HFM1: variants seen among roughly 807,000 people sequenced by gnomAD.
HFM1 encodes helicase for meiosis 1.
Under a neutral mutation model 192.1 loss-of-function variants are expected in HFM1, and 169 were observed. The ratio of observed to expected loss-of-function variants is 0.88; its 90% CI spans 0.78 to 1.00. The LOEUF is 1.00. Among genes scored for constraint, HFM1 ranks in the 50% least tolerant of loss-of-function variants. The pLI, the probability that HFM1 is intolerant of heterozygous loss-of-function variation, is 0.00. For synonymous variants in HFM1, 525 were observed against 537.8 expected (o/e 0.98, Z 0.33); for missense variants, 1,661 against 1,668.0 (o/e 1.00, Z 0.07).
Position 91,350,890 on chromosome 1 carries a change from G to T in HFM1, c.2073-19C>A. On this transcript the variant is annotated intron_variant, in intron 17 of 38. Coordinates refer to ENST00000370425, the MANE Select transcript of HFM1 (RefSeq NM_001017975.6). ...GTGCAAACTAATGAAAAAAAACTTT[G>T]CATTATGAATATGCAGTTCAATGCC... is the stretch of plus-strand genomic sequence containing the variant. 6.4e-7 allele frequency: 1 copy of T among 1,550,660 alleles called. No individual in the cohort carries two copies. Among genetic ancestry groups the T allele is most frequent in the Non-Finnish European group, 8.8e-7 (1 of 1,139,958 alleles).
intron 13 of HFM1, among the ~76,000 whole-genome samples, chr1:91,364,632 A>ATATAT (rs753472335): frequency 4.5e-4 from 30 of 66,784 alleles, no homozygotes; most frequent in South Asian, 1.3e-3. Flanking sequence ...ATATATATAT[A>ATATAT]TTTTTTTTTT....
chr1:91,289,810 G>A (rs899109962), intron 30 of HFM1, among the ~76,000 whole-genome samples: 3 of 152,094 alleles, frequency 2.0e-5, no homozygotes, highest in Non-Finnish European at 4.4e-5. Context: ...GATGGCGGCA[G>A]CACAGTCCAG....
intron 2 of HFM1, among the ~76,000 whole-genome samples, chr1:91,400,480 C>CTTTTTTTTTTTTTT (rs112090967): frequency 7.2e-6 from 1 of 139,062 alleles, no homozygotes; most frequent in African/African-American, 2.6e-5. Context: ...AGGCAAGAAT[C>CTTTTTTTTTTTTTT]TTTTTTTTTT....
At chr1:91,352,737 T>G (rs1428923153) in intron 15 of HFM1, 86 bp from the exon 16 acceptor site, 4 of 1,052,590 alleles carry the variant, frequency 3.8e-6, no homozygotes, top group Non-Finnish European at 5.3e-6. Context: ...TTCTTATAAA[T>G]GTAATAAAAA....
chr1:91,401,161 A>C, intron 1 of HFM1, 52 bp from the exon 2 acceptor site: 1 of 798,108 alleles, frequency 1.3e-6, no homozygotes, highest in Non-Finnish European at 2.0e-6. Flanking sequence ...GATGTAAAAA[A>C]ATATTTCTGT....
chr1:91,375,299 T>C (rs1467337632), intron 13 of HFM1, 59 bp downstream of exon 13: 14 of 1,202,294 alleles, frequency 1.2e-5, no homozygotes, highest in Non-Finnish European at 1.4e-5. Flanking sequence ...AATTTTCTCA[T>C]GTCATCTAGA....
At chr1:91,281,631 A>G (rs1320117669) in intron 30 of HFM1, among the ~76,000 whole-genome samples, 1 of 152,236 alleles carries the variant, frequency 6.6e-6, no homozygotes, top group East Asian at 1.9e-4. Flanking sequence ...GAATCTTTGA[A>G]TGTATTAAGG....
At chr1:91,285,157 G>A (rs992294302) in intron 30 of HFM1, among the ~76,000 whole-genome samples, 10 of 152,260 alleles carry the variant, frequency 6.6e-5, no homozygotes, top group Admixed American at 2.6e-4. Context: ...GGAACTGTGA[G>A]CCCATCGAAC....
At chr1:91,367,813 G>C (rs1479467269) in intron 13 of HFM1, among the ~76,000 whole-genome samples, 1 of 152,076 alleles carries the variant, frequency 6.6e-6, no homozygotes, top group Non-Finnish European at 1.5e-5. Context: ...CAAGCTAAAG[G>C]AGGAAGTTTG....
At chr1:91,334,519 T>C (rs1440662892) in intron 20 of HFM1, among the ~76,000 whole-genome samples, 1 of 152,126 alleles carries the variant, frequency 6.6e-6, no homozygotes, top group Non-Finnish European at 1.5e-5. Context: ...GAGCAATATT[T>C]TAATTAAACT....
chr1:91,341,897 A>G (rs1655394225), intron 20 of HFM1, among the ~76,000 whole-genome samples: 2 of 152,038 alleles, frequency 1.3e-5, no homozygotes. Context: ...CCAGGAAGAA[A>G]CTGAAACCCT....
At position 91,313,508 on chromosome 1, in the gene HFM1, A is replaced by G. The variant is rs1461102844; in HGVS notation, c.3245-13T>C. 2.6e-6 allele frequency: 4 copies of G among 1,547,870 alleles called. No individual in the cohort carries two copies. Among genetic ancestry groups the G allele is most frequent in the Non-Finnish European group, 3.5e-6 (4 of 1,145,152 alleles). On this transcript the variant is annotated splice_polypyrimidine_tract_variant and intron_variant, in intron 29 of 38. Transcript: ENST00000370425. Reference sequence around the variant, plus strand: ...ATATCAAGCCCAACTGGAAAATGAAAAAAAAGTACACAAATGTTTATTTGT... The same window carrying G: ...ATATCAAGCCCAACTGGAAAATGAAGAAAAAGTACACAAATGTTTATTTGT...
chr1:91,348,102 T>C (rs576815190), intron 18 of HFM1, among the ~76,000 whole-genome samples: 21 of 152,250 alleles, frequency 1.4e-4, no homozygotes, highest in African/African-American at 5.1e-4. Context: ...TATCTTAATC[T>C]GGGCTGTGGT....
intron 11 of HFM1, chr1:91,377,430 G>C (rs1338469406): frequency 6.6e-6 from 1 of 151,936 alleles, no homozygotes; most frequent in Non-Finnish European, 1.5e-5. Flanking sequence ...TGAGAAAGTA[G>C]AGTGAGACTA....
At chr1:91,377,183 C>G (rs568103023) in intron 11 of HFM1, among the ~76,000 whole-genome samples, 33 of 151,524 alleles carry the variant, frequency 2.2e-4, no homozygotes, top group Non-Finnish European at 3.8e-4. Flanking sequence ...TAAAGATAAA[C>G]GCTAGGATTT....
intron 30 of HFM1, among the ~76,000 whole-genome samples, chr1:91,286,457 CCT>C (rs1001398373): frequency 2.0e-5 from 3 of 152,092 alleles, no homozygotes; most frequent in Non-Finnish European, 4.4e-5. Flanking sequence ...ATAATCTCTG[CCT>C]CTGTCTTTGC....
At chr1:91,393,039 G>A (rs887992823) in intron 4 of HFM1, among the ~76,000 whole-genome samples, 7 of 151,496 alleles carry the variant, frequency 4.6e-5, no homozygotes, top group South Asian at 2.1e-4. Flanking sequence ...AACCAACGTG[G>A]GTAAATACAT....
intron 28 of HFM1, 48 bp from the exon 29 acceptor site, chr1:91,314,108 A>G (rs1490312429): frequency 5.3e-6 from 6 of 1,126,580 alleles, no homozygotes; most frequent in Non-Finnish European, 7.9e-6. Context: ...TGAATGAAAT[A>G]CATATTAATC....
At chr1:91,284,462 G>A (rs1416046081) in intron 30 of HFM1, among the ~76,000 whole-genome samples, 1 of 152,032 alleles carries the variant, frequency 6.6e-6, no homozygotes, top group African/African-American at 2.4e-5. Context: ...ACATTGGCCA[G>A]GCTAGTCTGG....
Sources: allele counts gnomAD v4.1 joint callset (sites outside exome capture counted in the v4.1 genomes callset), GRCh38; gene constraint gnomAD v4.1.1; transcripts MANE v1.5; gene names NCBI Gene and HGNC (gene_info 2026-07-23, HGNC 2026-07-21).